Variants in FSTL4 observed in about 807,000 individuals in gnomAD.
FSTL4 encodes follistatin-related protein 4.
FSTL4 carries 28 observed loss-of-function variants against 78.2 expected under a neutral mutation model. The observed-to-expected ratio is 0.36, with a 90% CI of 0.27 to 0.49. The LOEUF (loss-of-function observed/expected upper bound fraction) is 0.49. Ranked by LOEUF, FSTL4 falls within the 20% of genes least tolerant of loss-of-function variation. The pLI is 0.98. For missense variants in FSTL4, 922 were observed against 1,084.9 expected (o/e 0.85, Z 2.11); for synonymous variants, 422 against 440.5 (o/e 0.96, Z 0.53).
At chr5:133,339,130 C>T (rs1399884729) in intron 4 of FSTL4, among the ~76,000 whole-genome samples, 1 of 152,194 alleles carries the variant, frequency 6.6e-6, no homozygotes, top group Non-Finnish European at 1.5e-5. Flanking sequence ...GTTCCTTAAA[C>T]ATGCCTACCA....
At chr5:133,289,917 A>G (rs1753219622) in intron 6 of FSTL4, among the ~76,000 whole-genome samples, 2 of 152,248 alleles carry the variant, frequency 1.3e-5, no homozygotes, top group South Asian at 4.1e-4. Context: ...TTCTGAAACA[A>G]AAAGAATCTT....
At chr5:133,578,679 C>T (rs1760336485) in intron 2 of FSTL4, among the ~76,000 whole-genome samples, 1 of 152,152 alleles carries the variant, frequency 6.6e-6, no homozygotes, top group Non-Finnish European at 1.5e-5. Flanking sequence ...AAGCTTTATG[C>T]TAAAGGTTAT....
chr5:133,307,231 A>G (rs554191075), intron 6 of FSTL4, among the ~76,000 whole-genome samples: 109 of 152,244 alleles, frequency 7.2e-4, no homozygotes, highest in African/African-American at 2.5e-3. Context: ...GGGCACACAG[A>G]GGAAGGTGTG....
chr5:133,729,633 A>G, the FSTL4 span, among the ~76,000 whole-genome samples: 1 of 152,168 alleles, frequency 6.6e-6, no homozygotes, highest in Non-Finnish European at 1.5e-5. Flanking sequence ...ATCTCTGGAT[A>G]ACATTCATTC....
intron 1 of FSTL4, among the ~76,000 whole-genome samples, chr5:133,607,969 C>T (rs754812214): frequency 6.6e-6 from 1 of 152,142 alleles, no homozygotes; most frequent in Non-Finnish European, 1.5e-5. Flanking sequence ...CAGGCCGATG[C>T]CCCTCAGCTC....
chr5:133,492,336 T>G (rs1758282001), intron 3 of FSTL4, among the ~76,000 whole-genome samples: 1 of 152,186 alleles, frequency 6.6e-6, no homozygotes, highest in Non-Finnish European at 1.5e-5. Flanking sequence ...CACTAGCAAT[T>G]ATTGTATTAC....
chr5:133,246,544 T>C (rs1330261203), intron 7 of FSTL4: 1 of 152,178 alleles, frequency 6.6e-6, no homozygotes, highest in Admixed American at 6.5e-5. Flanking sequence ...CTCAGAGAAG[T>C]CCAACAGCTC....
chr5:133,376,888 CAAAAA>C (rs56667792), intron 4 of FSTL4, among the ~76,000 whole-genome samples: 3 of 127,752 alleles, frequency 2.3e-5, no homozygotes, highest in Non-Finnish European at 3.3e-5. Flanking sequence ...GAGTCTGTCT[CAAAAA>C]AAAAAAAAAA....
chr5:133,266,305 C>A (rs73788027), intron 6 of FSTL4, among the ~76,000 whole-genome samples: 1,789 of 152,392 alleles, frequency 0.012, 40 homozygotes, highest in African/African-American at 0.04. Context: ...CTTCTACAGA[C>A]GGATTAGGAA....
intron 4 of FSTL4, among the ~76,000 whole-genome samples, chr5:133,347,953 A>G (rs1034252624): frequency 6.6e-6 from 1 of 152,146 alleles, no homozygotes; most frequent in East Asian, 1.9e-4. Flanking sequence ...CCAGCCCCTC[A>G]CTCAAAAGAC....
intron 6 of FSTL4, among the ~76,000 whole-genome samples, chr5:133,294,009 C>G (rs953871932): frequency 1.3e-5 from 2 of 152,198 alleles, no homozygotes; most frequent in Non-Finnish European, 2.9e-5. Flanking sequence ...TGTTCTTACG[C>G]TTAGGCTGTT....
intron 3 of FSTL4, among the ~76,000 whole-genome samples, chr5:133,499,666 C>G (rs568931037): frequency 3.5e-4 from 53 of 152,320 alleles, no homozygotes; most frequent in East Asian, 7.7e-4. Flanking sequence ...TGACTGAGCA[C>G]AGGCTCAACT....
the FSTL4 span, among the ~76,000 whole-genome samples, chr5:133,620,733 A>G: frequency 1.3e-5 from 2 of 152,066 alleles, no homozygotes; most frequent in Non-Finnish European, 2.9e-5. Context: ...CCACCTAACC[A>G]CTGTGTGTGC....
the FSTL4 span, among the ~76,000 whole-genome samples, chr5:133,679,746 G>T: frequency 3.3e-5 from 5 of 152,076 alleles, no homozygotes; most frequent in Non-Finnish European, 7.4e-5. Flanking sequence ...TCCATAGGAG[G>T]TCTCTGCACA....
chr5:133,706,027 C>G, the FSTL4 span, among the ~76,000 whole-genome samples: 2 of 152,168 alleles, frequency 1.3e-5, no homozygotes, highest in East Asian at 3.8e-4. Flanking sequence ...TGAGTGCATC[C>G]CTGCAAATGC....
chr5:133,723,361 A>G, the FSTL4 span, among the ~76,000 whole-genome samples: 1 of 152,156 alleles, frequency 6.6e-6, no homozygotes, highest in Non-Finnish European at 1.5e-5. Context: ...ACATAGCTGT[A>G]GTTTGGGATG....
intron 4 of FSTL4, among the ~76,000 whole-genome samples, chr5:133,375,928 A>T (rs1561691722): frequency 6.6e-6 from 1 of 152,246 alleles, no homozygotes; most frequent in Non-Finnish European, 1.5e-5. Flanking sequence ...TTTATACTTA[A>T]GTAATGGAGA....
At chr5:133,285,407 A>T (rs1168044835) in intron 6 of FSTL4, among the ~76,000 whole-genome samples, 1 of 152,062 alleles carries the variant, frequency 6.6e-6, no homozygotes, top group Admixed American at 6.5e-5. Flanking sequence ...GCTGGCTGGG[A>T]CCCTAGCCTT....
At chr5:133,544,799 G>T (rs2642692) in intron 3 of FSTL4, among the ~76,000 whole-genome samples, 59,168 of 152,068 alleles carry the variant, frequency 0.39, 11,669 homozygotes, top group African/African-American at 0.42. Context: ...CTAAGCTGTA[G>T]GAACAGCAGC....
Sources: allele counts gnomAD v4.1 joint callset (sites outside exome capture counted in the v4.1 genomes callset), GRCh38; gene constraint gnomAD v4.1.1; transcripts MANE v1.5; gene names NCBI Gene and HGNC (gene_info 2026-07-23, HGNC 2026-07-21).